The following SLC2A14 variants were observed in gnomAD, a reference collection of about 807,000 sequenced individuals.
SLC2A14 encodes the protein solute carrier family 2, facilitated glucose transporter member 14.
In SLC2A14, 13 loss-of-function variants were observed where a neutral mutation model predicts 43.0. That is an observed-to-expected ratio of 0.30 (90% CI 0.20 to 0.48). SLC2A14 has a LOEUF of 0.48. Ranked by LOEUF, SLC2A14 falls within the 20% of genes least tolerant of loss-of-function variation. The pLI is 0.99. For synonymous variants in SLC2A14, 190 were observed against 233.8 expected (o/e 0.81, Z 1.71); for missense variants, 428 against 620.4 (o/e 0.69, Z 3.29).
chr12:7,836,918 C>T (rs1488689728), intron 2 of SLC2A14, among the ~76,000 whole-genome samples: 1 of 151,874 alleles, frequency 6.6e-6, no homozygotes, highest in African/African-American at 2.4e-5. Flanking sequence ...CCTATAATCC[C>T]AGCATTTTAG....
chr12:7,873,658 CAAACAAACAA>C (rs1384503033), upstream of SLC2A14, among the ~76,000 whole-genome samples: 3 of 150,814 alleles, frequency 2.0e-5, no homozygotes, highest in African/African-American at 7.3e-5. Flanking sequence ...AACAAACAAA[CAAACAAACAA>C]ACAAACAAAC....
At chr12:7,881,600 AGC>A (rs1167039798) in intron 1 of SLC2A14, among the ~76,000 whole-genome samples, 1 of 152,052 alleles carries the variant, frequency 6.6e-6, no homozygotes, top group Non-Finnish European at 1.5e-5. Context: ...CTCCCCGACA[AGC>A]GCGGCCTCCT....
Position 7,826,873 on chromosome 12 carries a change from C to CTTTTT in SLC2A14, c.864+621_864+622insAAAAA, listed in dbSNP as rs1162316142. On this transcript the variant is annotated intron_variant, in intron 7 of 10. Transcript: ENST00000431042. ...TCCTTCCTTTCTTTTTTCTTTCTTT[C>CTTTTT]TTTCTTTCTTTCTTTCTTTCTTTCT... Among the ~76,000 whole-genome samples, 6 of 19,992 alleles carry CTTTTT rather than the reference C, an allele frequency of 3.0e-4. 1 individual carries two copies. Among genetic ancestry groups the CTTTTT allele is most frequent in the Admixed American group, 1.2e-3 (2 of 1,692 alleles). The allele number at this position is 19,992 out of a possible 152,430, so 13.1% of individuals were successfully genotyped here.
In SLC2A14 at chr12:7,814,351, T is replaced by C. The variant is rs763059236; in HGVS notation, c.1459A>G (p.Ile487Val). Residue 487 changes from isoleucine (I) to valine (V), a missense_variant, in exon 11 of 11, where the codon ATC becomes GTC. Physicochemically the swap from Ile to Val is conservative, Grantham distance 29 (BLOSUM62 3). Around this residue, in one of 4 missense-constraint regions of SLC2A14, gnomAD observed 119 missense variants for 188.7 expected, o/e 0.63. Transcript: ENST00000431042. ...GTGGTGGTCTCCTTAGCAGGCTCGATGCTGTTCATCCCCATGACGCCGTCC... is the reference window on the plus strand; with the variant it reads ...GTGGTGGTCTCCTTAGCAGGCTCGACGCTGTTCATCCCCATGACGCCGTCC... ...GKDGVMGMNS[I>V]EPAKETTTNV The C allele has an allele frequency of 1.2e-6, 2 of 1,609,894 alleles. No homozygotes were observed. Among genetic ancestry groups the C allele is most frequent in the African/African-American group, 2.7e-5 (2 of 74,544 alleles).
At chr12:7,852,717 TGGGA>T (rs1197977750) in intron 2 of SLC2A14, among the ~76,000 whole-genome samples, 1 of 152,134 alleles carries the variant, frequency 6.6e-6, no homozygotes, top group Non-Finnish European at 1.5e-5. Flanking sequence ...AAATGTCCAC[TGGGA>T]GCAAGTCACC....
chr12:7,866,344 G>T (rs1189211643), intron 2 of SLC2A14, among the ~76,000 whole-genome samples: 1 of 151,750 alleles, frequency 6.6e-6, no homozygotes, highest in Non-Finnish European at 1.5e-5. Flanking sequence ...TCCAGAGCAA[G>T]GCCCTAACTT....
chr12:7,815,302 G>T (rs983943489), intron 10 of SLC2A14, among the ~76,000 whole-genome samples: 24 of 151,896 alleles, frequency 1.6e-4, no homozygotes, highest in African/African-American at 5.6e-4. Flanking sequence ...TGTAATCCTA[G>T]CTACTCAGGA....
intron 2 of SLC2A14, among the ~76,000 whole-genome samples, chr12:7,849,659 G>T (rs1440525372): frequency 6.6e-6 from 1 of 151,964 alleles, no homozygotes; most frequent in Non-Finnish European, 1.5e-5. Context: ...CCAGCAATTT[G>T]GGAGGCTGAG....
chr12:7,863,825 T>TTTTTTC (rs978439618), intron 2 of SLC2A14, among the ~76,000 whole-genome samples: 5 of 158 alleles, frequency 0.032, no homozygotes, highest in African/African-American at 0.041. Context: ...CTTTTTTTCT[T>TTTTTTC]TTTTTTTTTT....
At chr12:7,880,690 C>CAAAA (rs753621437) in intron 1 of SLC2A14, among the ~76,000 whole-genome samples, 1 of 65,142 alleles carries the variant, frequency 1.5e-5, no homozygotes, top group East Asian at 3.3e-4. Flanking sequence ...AGCTGGGTCT[C>CAAAA]AAAAAAAAAA....
intron 10 of SLC2A14, among the ~76,000 whole-genome samples, chr12:7,814,872 T>G (rs997079162): frequency 6.6e-6 from 1 of 152,002 alleles, no homozygotes; most frequent in Non-Finnish European, 1.5e-5. Flanking sequence ...GGATCTCGGC[T>G]CACTGCAACC....
At chr12:7,882,391 T>G (rs1405003286) in intron 1 of SLC2A14, among the ~76,000 whole-genome samples, 1 of 151,902 alleles carries the variant, frequency 6.6e-6, no homozygotes, top group African/African-American at 2.4e-5. Flanking sequence ...TGCGCCACAT[T>G]TAAGAGCTGT....
chr12:7,826,869 C>CCTTT (rs1565507744), intron 7 of SLC2A14, among the ~76,000 whole-genome samples: 6 of 33,962 alleles, frequency 1.8e-4, no homozygotes, highest in African/African-American at 3.0e-4. Flanking sequence ...TTTTTTCTTT[C>CCTTT]TTTCTTTCTT....
intron 1 of SLC2A14, among the ~76,000 whole-genome samples, chr12:7,884,148 C>A (rs769533745): frequency 3.3e-5 from 5 of 149,982 alleles, no homozygotes; most frequent in Admixed American, 3.3e-4. Context: ...TGGTCTTGAT[C>A]TGACCTCGTG....
chr12:7,842,489 A>G (rs1346322149), intron 2 of SLC2A14, among the ~76,000 whole-genome samples: 1 of 152,218 alleles, frequency 6.6e-6, no homozygotes, highest in Non-Finnish European at 1.5e-5. Flanking sequence ...TCTTCTATAC[A>G]AGTGCCAATA....
upstream of SLC2A14, among the ~76,000 whole-genome samples, chr12:7,874,965 T>TA (rs376320921): frequency 2.3e-3 from 14 of 6,160 alleles, 2 homozygotes; most frequent in South Asian, 0.015. Context: ...TATATATAAA[T>TA]TATATATAAA....
At chr12:7,815,095 G>C (rs930579006) in intron 10 of SLC2A14, among the ~76,000 whole-genome samples, 3 of 151,738 alleles carry the variant, frequency 2.0e-5, no homozygotes, top group African/African-American at 7.3e-5. Flanking sequence ...ACTGCACCTG[G>C]CCTTGAGTAT....
At chr12:7,857,993 TGTGGTG>T (rs981264389) in intron 2 of SLC2A14, among the ~76,000 whole-genome samples, 2 of 152,056 alleles carry the variant, frequency 1.3e-5, no homozygotes, top group African/African-American at 4.8e-5. Context: ...ATTAGCCTGG[TGTGGTG>T]GCTTGCACCT....
At chr12:7,822,255 C>T (rs1003698082) in intron 7 of SLC2A14, among the ~76,000 whole-genome samples, 10 of 151,966 alleles carry the variant, frequency 6.6e-5, no homozygotes, top group Non-Finnish European at 1.2e-4. Flanking sequence ...CACTGCACCT[C>T]GCCCTCCTTT....
Sources: allele counts gnomAD v4.1 joint callset (sites outside exome capture counted in the v4.1 genomes callset), GRCh38; gene constraint gnomAD v4.1.1; regional missense constraint gnomAD v4.1.1; transcripts MANE v1.5; gene names NCBI Gene and HGNC (gene_info 2026-07-23, HGNC 2026-07-21).